CDH12: variants seen among roughly 807,000 people sequenced by gnomAD.
CDH12 encodes cadherin 12.
A neutral mutation model predicts 74.1 loss-of-function variants in CDH12; 41 were observed. That is an observed-to-expected ratio of 0.55 (90% CI 0.43 to 0.72). The LOEUF is 0.72. Ranked by LOEUF, CDH12 falls within the 30% of genes least tolerant of loss-of-function variation. The probability of loss-of-function intolerance (pLI) is 0.00; values close to 1 mark genes in which losing one functional copy is unlikely to be tolerated. For synonymous variants in CDH12, 399 were observed against 355.0 expected (o/e 1.12, Z -1.39); for missense variants, 945 against 977.2 (o/e 0.97, Z 0.44).
At chr5:22,589,440 C>A (rs191232443) in intron 1 of CDH12, among the ~76,000 whole-genome samples, 1 of 152,286 alleles carries the variant, frequency 6.6e-6, no homozygotes, top group Non-Finnish European at 1.5e-5. Flanking sequence ...TCAAGCTAAA[C>A]CTGTCACGTT....
chr5:22,823,193 T>A (rs1325113770), intron 1 of CDH12, among the ~76,000 whole-genome samples: 1 of 122,784 alleles, frequency 8.1e-6, no homozygotes, highest in East Asian at 2.5e-4. Context: ...TGAGAACACT[T>A]GGACACAGGA....
chr5:22,295,589 G>A (rs1474933232), intron 3 of CDH12, among the ~76,000 whole-genome samples: 1 of 152,132 alleles, frequency 6.6e-6, no homozygotes, highest in African/African-American at 2.4e-5. Flanking sequence ...TATTTTAATG[G>A]AAGTAATTAG....
intron 6 of CDH12, among the ~76,000 whole-genome samples, chr5:21,905,477 T>C (rs1753598270): frequency 6.6e-6 from 1 of 152,202 alleles, no homozygotes; most frequent in South Asian, 2.1e-4. Context: ...AGTGATACAT[T>C]GGAAAATGTG....
intron 1 of CDH12, among the ~76,000 whole-genome samples, chr5:22,839,297 T>C (rs1736979689): frequency 6.6e-6 from 1 of 152,002 alleles, no homozygotes; most frequent in Non-Finnish European, 1.5e-5. Flanking sequence ...TTCTTATCTC[T>C]GTGCATGTGT....
At chr5:22,283,249 T>TAC (rs1482276211) in intron 3 of CDH12, among the ~76,000 whole-genome samples, 4 of 116,208 alleles carry the variant, frequency 3.4e-5, no homozygotes, top group African/African-American at 1.4e-4. Flanking sequence ...TATATATATA[T>TAC]ATACACACAC....
At chr5:22,538,019 G>A (rs780785071) in intron 1 of CDH12, among the ~76,000 whole-genome samples, 2 of 152,132 alleles carry the variant, frequency 1.3e-5, no homozygotes, top group Non-Finnish European at 1.5e-5. Flanking sequence ...CAGTAAACTA[G>A]GAATTCAAGA....
chr5:22,698,698 TA>T, intron 1 of CDH12, among the ~76,000 whole-genome samples: 1 of 11,688 alleles, frequency 8.6e-5, no homozygotes. Flanking sequence ...TATATATATA[TA>T]TATATATATA....
chr5:22,660,417 A>G (rs969575133), intron 1 of CDH12, among the ~76,000 whole-genome samples: 2 of 152,184 alleles, frequency 1.3e-5, no homozygotes, highest in Non-Finnish European at 2.9e-5. Context: ...CTGACTGACA[A>G]TAATTACTAC....
intron 5 of CDH12, among the ~76,000 whole-genome samples, chr5:22,077,808 G>T (rs1742435867): frequency 1.3e-5 from 2 of 152,016 alleles, no homozygotes; most frequent in South Asian, 4.2e-4. Flanking sequence ...TATTTAAATT[G>T]CATGCTCTGT....
intron 2 of CDH12, among the ~76,000 whole-genome samples, chr5:22,430,248 C>T (rs1421264078): frequency 1.3e-5 from 2 of 151,974 alleles, no homozygotes; most frequent in Non-Finnish European, 2.9e-5. Context: ...TAGTGCTTTC[C>T]AGAGATAATG....
intron 4 of CDH12, among the ~76,000 whole-genome samples, chr5:22,148,099 C>T (rs1747324701): frequency 6.6e-6 from 1 of 152,138 alleles, no homozygotes; most frequent in African/African-American, 2.4e-5. Context: ...TGTACAGCGC[C>T]CCTTTTCTTC....
At position 22,300,499 on chromosome 5, in the gene CDH12, T is replaced by C. The variant is rs10050955; in HGVS notation, c.-332-87856A>G. On this transcript the variant is annotated intron_variant, in intron 3 of 14. Transcript: ENST00000382254. ...ATTCTGAGAATTCCCTACCAGGTTA[T>C]TACAGCTGTCACTTTCAAATAACTG... Among the ~76,000 whole-genome samples the C allele has an allele frequency of 4.9e-3, 749 of 152,314 alleles. 6 individuals are homozygous for C. Among genetic ancestry groups the C allele is most frequent in the African/African-American group, 0.017 (715 of 41,582 alleles).
chr5:21,755,460 G>T, intron 14 of CDH12, 131 bp downstream of exon 14: 1 of 699,404 alleles, frequency 1.4e-6, no homozygotes, highest in Non-Finnish European at 2.4e-6. Flanking sequence ...TTATCTTCTA[G>T]CTAGGTATGA....
At chr5:22,093,998 T>C (rs562876923) in intron 4 of CDH12, among the ~76,000 whole-genome samples, 4 of 152,310 alleles carry the variant, frequency 2.6e-5, no homozygotes, top group Admixed American at 2.0e-4. Context: ...CTGATTTACA[T>C]GTGCTAGTGC....
intron 4 of CDH12, among the ~76,000 whole-genome samples, chr5:22,148,841 C>T (rs1054201502): frequency 2.6e-5 from 4 of 152,200 alleles, no homozygotes; most frequent in African/African-American, 9.7e-5. Flanking sequence ...TAACCACTGG[C>T]TGGGCATGGT....
At position 22,707,862 on chromosome 5, in the gene CDH12, A is replaced by T. The variant is rs551202304; in HGVS notation, c.-523+145196T>A. Among the ~76,000 whole-genome samples, 8 of 152,250 alleles carry T rather than the reference A, an allele frequency of 5.3e-5. No individual in the cohort carries two copies. In the South Asian group the frequency reaches 1.7e-3, roughly 31 times the overall value. The stretch of plus-strand genomic sequence containing the variant: ...ATTTGGGGGAGTATTTTTAAATCTT[A>T]TGTGTATGGCAGGCACTAAACTAGC... On this transcript the variant is annotated intron_variant, in intron 1 of 14. Transcript: ENST00000382254.
At chr5:22,279,601 C>T (rs1736789303) in intron 3 of CDH12, among the ~76,000 whole-genome samples, 1 of 152,060 alleles carries the variant, frequency 6.6e-6, no homozygotes, top group South Asian at 2.1e-4. Context: ...TGCTCAATTC[C>T]CACCTACGAG....
At chr5:22,763,835 T>G (rs1438613438) in intron 1 of CDH12, among the ~76,000 whole-genome samples, 1 of 151,964 alleles carries the variant, frequency 6.6e-6, no homozygotes, top group Non-Finnish European at 1.5e-5. Context: ...AAATTTTACT[T>G]ATACAATCTA....
chr5:22,713,424 A>T (rs1406782772), intron 1 of CDH12, among the ~76,000 whole-genome samples: 1 of 151,936 alleles, frequency 6.6e-6, no homozygotes. Flanking sequence ...TACAGGCATG[A>T]GCCACCGCAC....
Sources: gnomAD v4.1 joint callset for allele counts (sites outside exome capture counted in the v4.1 genomes callset) on GRCh38, gnomAD v4.1.1 for gene constraint, MANE v1.5 for transcripts, NCBI Gene and HGNC (gene_info 2026-07-23, HGNC 2026-07-21) for gene names.